C9orf85: variants seen among roughly 807,000 people sequenced by gnomAD.
C9orf85 encodes chromosome 9 open reading frame 85, also known as uncharacterized protein C9orf85.
In C9orf85, 16 loss-of-function variants were observed where a neutral mutation model predicts 14.9. The observed-to-expected ratio is 1.08, with a 90% CI of 0.73 to 1.63. The LOEUF (loss-of-function observed/expected upper bound fraction) is 1.63, where lower values mean the gene tolerates loss of function less well. C9orf85 is among the 40% of genes most tolerant of loss of function. C9orf85 has a pLI of 0.00. For synonymous variants in C9orf85, 45 were observed against 56.8 expected, an observed-to-expected ratio of 0.79 and a Z score of 0.93; for missense variants, 172 against 186.1, an observed-to-expected ratio of 0.92 and a Z score of 0.44.
intron 2 of C9orf85, among the ~76,000 whole-genome samples, chr9:71,960,842 A>G (rs1822494122): frequency 6.7e-6 from 1 of 149,140 alleles, no homozygotes; most frequent in Non-Finnish European, 1.5e-5. Context: ...GCCATATTCT[A>G]CATATCTATC....
intron 1 of C9orf85, among the ~76,000 whole-genome samples, chr9:71,922,085 C>T (rs1564082854): frequency 1.3e-5 from 2 of 151,970 alleles, no homozygotes; most frequent in Admixed American, 6.6e-5. Flanking sequence ...GGATTACAGT[C>T]GCCCACCACA....
At position 71,964,636 on chromosome 9, in the gene C9orf85, T is replaced by G. The variant is rs191300336; in HGVS notation, c.210-6869T>G. 1.3e-3 allele frequency among the ~76,000 whole-genome samples: 196 copies of G among 152,062 alleles called. 1 individual carries two copies. The highest frequency in any genetic ancestry group is 4.6e-3 in the African/African-American group (190 of 41,478). ...CATCTGAACATCAGAAGGAACAAAC[T>G]CCAGACACGCCGCCTTTAAGAACTG... is the stretch of plus-strand genomic sequence containing the variant. On this transcript the variant is annotated intron_variant, in intron 2 of 3. Transcript: ENST00000334731.
intron 1 of C9orf85, among the ~76,000 whole-genome samples, chr9:71,938,946 G>A (rs1274115846): frequency 1.3e-5 from 2 of 151,490 alleles, no homozygotes; most frequent in African/African-American, 2.4e-5. Flanking sequence ...ATATTAATAT[G>A]GAAAAATGAA....
chr9:71,939,581 G>C (rs1372664790), intron 1 of C9orf85, among the ~76,000 whole-genome samples: 1 of 152,016 alleles, frequency 6.6e-6, no homozygotes, highest in African/African-American at 2.4e-5. Context: ...AATCATAGCA[G>C]GGTTTTTTGT....
chr9:71,974,243 A>G (rs28394013), downstream of C9orf85, among the ~76,000 whole-genome samples: 11 of 87,580 alleles, frequency 1.3e-4, no homozygotes, highest in East Asian at 3.9e-3. Flanking sequence ...TTTATTTTTT[A>G]TTTTACTTTT....
rs374680408 is a variant in C9orf85, at chr9:71,937,737, A to G, written c.103-9269A>G. 4.6e-5 allele frequency among the ~76,000 whole-genome samples: 7 copies of G among 152,284 alleles called. No homozygotes were observed. In the South Asian group the frequency reaches 8.3e-4, roughly 18 times the overall value. On this transcript the variant is annotated intron_variant, in intron 1 of 3. Transcript: ENST00000334731. ...TTATTTTAGCTCACAGTGCAGATCT[A>G]TATCACCTATACTTTAGATATCTTT... is the stretch of plus-strand genomic sequence containing the variant.
intron 2 of C9orf85, among the ~76,000 whole-genome samples, chr9:71,963,652 C>A (rs1361477915): frequency 6.6e-6 from 1 of 152,208 alleles, no homozygotes; most frequent in Admixed American, 6.5e-5. Flanking sequence ...CCGGCCCTGC[C>A]GCCCCGGGCA....
chr9:71,919,106 G>A (rs540526024), intron 1 of C9orf85, among the ~76,000 whole-genome samples: 5 of 152,156 alleles, frequency 3.3e-5, no homozygotes, highest in African/African-American at 1.2e-4. Context: ...TCCTAATTTC[G>A]TGGGTTGTGA....
downstream of C9orf85, among the ~76,000 whole-genome samples, chr9:71,977,526 C>A (rs977025729): frequency 1.3e-5 from 2 of 152,170 alleles, no homozygotes; most frequent in African/African-American, 4.8e-5. Flanking sequence ...AGATCTTATA[C>A]ACATTATACA....
intron 1 of C9orf85, among the ~76,000 whole-genome samples, chr9:71,914,763 G>T (rs1827602675): frequency 6.6e-6 from 1 of 152,194 alleles, no homozygotes; most frequent in African/African-American, 2.4e-5. Flanking sequence ...AGCTCAATAT[G>T]AGGGAATTAT....
chr9:71,911,702 T>G lies in C9orf85; in HGVS notation c.-33T>G, dbSNP rs758161163. The G allele has an allele frequency of 6.3e-7, 1 of 1,590,534 alleles. No homozygotes were observed. Among genetic ancestry groups the G allele is most frequent in the Non-Finnish European group, 8.6e-7 (1 of 1,158,522 alleles). On this transcript the variant is annotated 5_prime_UTR_variant, in exon 1 of 4. Coordinates refer to ENST00000334731, the MANE Select transcript of C9orf85 (RefSeq NM_182505.5). ...TTTTCTTTCCCCTCATCCTTTTGCC[T>G]GCTCCCGGCGAGGGGTGGCTTTGAT...
At chr9:71,948,482 A>G (rs1488023823) in intron 2 of C9orf85, among the ~76,000 whole-genome samples, 1 of 152,056 alleles carries the variant, frequency 6.6e-6, no homozygotes, top group Non-Finnish European at 1.5e-5. Context: ...TATTTATTAC[A>G]GGTATAGTTG....
intron 3 of C9orf85, 118 bp from the exon 4 acceptor site, chr9:71,972,574 T>C (rs1442143045): frequency 1.4e-6 from 1 of 717,434 alleles, no homozygotes; most frequent in African/African-American, 1.8e-5. Context: ...TTTTTCTTTA[T>C]ACTTACTTCA....
At position 71,957,751 on chromosome 9, in the gene C9orf85, G is replaced by A. The variant is rs144701563; in HGVS notation, c.209+10639G>A. ...CTTCCTCCCCATTCCTCATAAACAC[G>A]GTAAAGATCTACTATAAATAGCTGA... On this transcript the variant is annotated intron_variant, in intron 2 of 3. Transcript: ENST00000334731. Among the ~76,000 whole-genome samples, 562 of 152,134 alleles carry A rather than the reference G, an allele frequency of 3.7e-3. 4 individuals carry two copies. The highest frequency in any genetic ancestry group is 0.012 in the African/African-American group (503 of 41,496).
chr9:71,923,025 G>T (rs1024337433), intron 1 of C9orf85, among the ~76,000 whole-genome samples: 8 of 152,154 alleles, frequency 5.3e-5, no homozygotes, highest in African/African-American at 1.7e-4. Context: ...ACCTACTCGG[G>T]AGGCTGGAGT....
intron 2 of C9orf85, among the ~76,000 whole-genome samples, chr9:71,950,942 C>T (rs1296235640): frequency 6.6e-6 from 1 of 152,088 alleles, no homozygotes; most frequent in Non-Finnish European, 1.5e-5. Context: ...CCAAAAACCG[C>T]GTGTTAATTA....
chr9:71,926,927 A>AC (rs907551458), intron 1 of C9orf85, among the ~76,000 whole-genome samples: 2 of 152,078 alleles, frequency 1.3e-5, no homozygotes, highest in Non-Finnish European at 2.9e-5. Flanking sequence ...GAAAAAAAAA[A>AC]CTCCAAAGTT....
chr9:71,933,908 T>C (rs754797459), intron 1 of C9orf85, among the ~76,000 whole-genome samples: 16 of 152,180 alleles, frequency 1.1e-4, no homozygotes, highest in Middle Eastern at 3.2e-3. Flanking sequence ...TTTCACCTCC[T>C]TAACCAATCA....
intron 1 of C9orf85, among the ~76,000 whole-genome samples, chr9:71,923,706 T>G (rs1827867582): frequency 6.6e-6 from 1 of 152,218 alleles, no homozygotes; most frequent in South Asian, 2.1e-4. Flanking sequence ...CAGCTTTTTA[T>G]TAAACCACCA....
Sources: gnomAD v4.1 joint callset for allele counts (sites outside exome capture counted in the v4.1 genomes callset) on GRCh38, gnomAD v4.1.1 for gene constraint, MANE v1.5 for transcripts, NCBI Gene and HGNC (gene_info 2026-07-23, HGNC 2026-07-21) for gene names.